Variants in GAB2 observed in about 807,000 individuals in gnomAD.
GAB2 encodes the protein GRB2-associated-binding protein 2.
A neutral mutation model predicts 65.5 loss-of-function variants in GAB2; 26 were observed. The ratio of observed to expected loss-of-function variants is 0.40; its 90% CI spans 0.29 to 0.55. The LOEUF is 0.55. Among genes scored for constraint, GAB2 ranks in the 20% least tolerant of loss-of-function variants. GAB2 has a pLI of 0.53. For missense variants in GAB2, 884 were observed against 875.8 expected (o/e 1.01, Z -0.12); for synonymous variants, 321 against 329.6 (o/e 0.97, Z 0.28).
Position 78,223,494 on chromosome 11 carries a change from G to T in GAB2, c.1485C>A (p.Thr495=), listed in dbSNP as rs1410727486. Residue 495 remains threonine, a synonymous_variant, in exon 6 of 10, where the codon ACC becomes ACA. Transcript: ENST00000361507. ...TGCTGGGGCCTCGGTGCACAGGAAG[G>T]GTTGTTGATGGGTAGCCAAGTGAGT... is the stretch of plus-strand genomic sequence containing the variant. ...HFDSLGYPST[T]LPVHRGPSRG... is the part of the protein sequence containing the mutation. The T allele has an allele frequency of 6.2e-7, 1 of 1,610,212 alleles. No individual in the cohort carries two copies. Among genetic ancestry groups the T allele is most frequent in the Non-Finnish European group, 8.5e-7 (1 of 1,178,040 alleles).
chr11:78,405,199 C>T (rs773114010), intron 1 of GAB2, among the ~76,000 whole-genome samples: 13 of 150,966 alleles, frequency 8.6e-5, no homozygotes, highest in South Asian at 4.2e-4. Flanking sequence ...CCCCGGTTCA[C>T]GCCATTCTCC....
chr11:78,326,161 T>C (rs1026970011), intron 1 of GAB2, among the ~76,000 whole-genome samples: 13 of 152,380 alleles, frequency 8.5e-5, no homozygotes, highest in African/African-American at 3.1e-4. Flanking sequence ...CACTTATATC[T>C]TGGAGCTTAT....
At chr11:78,350,870 CA>C (rs1324929742) in intron 1 of GAB2, among the ~76,000 whole-genome samples, 1 of 152,182 alleles carries the variant, frequency 6.6e-6, no homozygotes, top group African/African-American at 2.4e-5. Flanking sequence ...TTCCGGTAAG[CA>C]ACTTTGGAAA....
chr11:78,242,326 C>A (rs1865155100), intron 3 of GAB2, among the ~76,000 whole-genome samples: 1 of 151,988 alleles, frequency 6.6e-6, no homozygotes, highest in South Asian at 2.1e-4. Flanking sequence ...CACGGTGAAA[C>A]CCCATCTCTA....
intron 1 of GAB2, among the ~76,000 whole-genome samples, chr11:78,299,089 A>G (rs1278541070): frequency 1.3e-5 from 2 of 152,184 alleles, no homozygotes; most frequent in African/African-American, 4.8e-5. Flanking sequence ...AAATGACTCT[A>G]CTACAGACTA....
intron 3 of GAB2, among the ~76,000 whole-genome samples, chr11:78,246,778 C>T (rs935760152): frequency 2.0e-5 from 3 of 152,172 alleles, no homozygotes; most frequent in Non-Finnish European, 2.9e-5. Context: ...GAATTATAGG[C>T]GTGAGCCACC....
intron 3 of GAB2, among the ~76,000 whole-genome samples, chr11:78,228,343 C>T (rs550651543): frequency 9.2e-5 from 14 of 152,172 alleles, no homozygotes; most frequent in Non-Finnish European, 1.9e-4. Context: ...AAAAAAGAAT[C>T]AATCCTTTGT....
intron 1 of GAB2, among the ~76,000 whole-genome samples, chr11:78,376,816 C>A (rs1280273427): frequency 6.6e-6 from 1 of 152,094 alleles, no homozygotes; most frequent in Non-Finnish European, 1.5e-5. Context: ...AAACAACAGA[C>A]TGACAGTTGG....
chr11:78,341,101 C>G (rs1014742323), intron 1 of GAB2, among the ~76,000 whole-genome samples: 2 of 152,202 alleles, frequency 1.3e-5, no homozygotes, highest in African/African-American at 4.8e-5. Context: ...CTAGAAGCTC[C>G]TGATTATATC....
chr11:78,255,910 T>C (rs1158505798), intron 2 of GAB2, among the ~76,000 whole-genome samples: 1 of 152,216 alleles, frequency 6.6e-6, no homozygotes, highest in African/African-American at 2.4e-5. Flanking sequence ...TGTATTAGGC[T>C]AATAGTGGAG....
chr11:78,407,658 T>TGGCAGAAAGA (rs1857065183), intron 1 of GAB2, among the ~76,000 whole-genome samples: 4 of 117,230 alleles, frequency 3.4e-5, no homozygotes, highest in Admixed American at 9.3e-5. Flanking sequence ...AGAAAGAAAG[T>TGGCAGAAAGA]AAGAAAGAAA....
At chr11:78,267,129 G>T (rs1565133697) in intron 2 of GAB2, among the ~76,000 whole-genome samples, 1 of 152,210 alleles carries the variant, frequency 6.6e-6, no homozygotes, top group African/African-American at 2.4e-5. Flanking sequence ...CCACTCCTGG[G>T]TGGGATCTGA....
chr11:78,265,295 C>A (rs1382231143), intron 2 of GAB2, among the ~76,000 whole-genome samples: 2 of 151,640 alleles, frequency 1.3e-5, no homozygotes, highest in African/African-American at 2.4e-5. Flanking sequence ...ATTTAAAACA[C>A]AAAAGTCAGG....
At chr11:78,382,384 T>A (rs889340129) in intron 1 of GAB2, among the ~76,000 whole-genome samples, 12 of 139,290 alleles carry the variant, frequency 8.6e-5, no homozygotes, top group African/African-American at 2.9e-4. Flanking sequence ...TTTATTATTA[T>A]TTTTTTTTTT....
chr11:78,405,066 C>T (rs541691802), intron 1 of GAB2, among the ~76,000 whole-genome samples: 2 of 150,146 alleles, frequency 1.3e-5, no homozygotes, highest in Admixed American at 1.3e-4. Flanking sequence ...AATCCTAATC[C>T]ACAGAATGTG....
chr11:78,270,469 G>A (rs1865981188), intron 2 of GAB2, among the ~76,000 whole-genome samples: 1 of 152,188 alleles, frequency 6.6e-6, no homozygotes, highest in Non-Finnish European at 1.5e-5. Flanking sequence ...TGGGAAAAGT[G>A]AGGAGTCAGA....
At chr11:78,268,976 G>A (rs1016268371) in intron 2 of GAB2, among the ~76,000 whole-genome samples, 1 of 152,120 alleles carries the variant, frequency 6.6e-6, no homozygotes. Context: ...AAAATGACAA[G>A]CAAGAGATGG....
At position 78,291,406 on chromosome 11, in the gene GAB2, C is replaced by T. The variant is rs937714446; in HGVS notation, c.76-10505G>A. ...GCTTGAACCTGGGAGGCAGAGCTTA[C>T]GGTGAGCGGAGATCGCACCACTGCA... On this transcript the variant is annotated intron_variant, in intron 1 of 9. Transcript: ENST00000361507. Among the ~76,000 whole-genome samples, 270 of 149,960 alleles carry T rather than the reference C, an allele frequency of 1.8e-3. 2 individuals are homozygous for T. The highest frequency in any genetic ancestry group is 3.2e-3 in the Non-Finnish European group (216 of 67,634).
chr11:78,226,944 C>T lies in GAB2; in HGVS notation c.728G>A (p.Gly243Asp). ...AAGGCTATAGAAGCCATGGACTTGA[C>T]CACTGATCCCGTTGACACAGTGTCC... ...GNGHCVNGIS[G>D]QVHGFYSLPK... The change falls in exon 4 of 10, where the codon GGT becomes GAT. Residue 243 changes from glycine (G) to aspartate (D), a missense_variant. By Grantham distance (94) the Gly-to-Asp change is moderately conservative. Coordinates refer to ENST00000361507, the MANE Select transcript of GAB2 (RefSeq NM_080491.3). The T allele has an allele frequency of 6.2e-7, 1 of 1,613,740 alleles. No individual in the cohort carries two copies. The highest frequency in any genetic ancestry group is 8.5e-7 in the Non-Finnish European group (1 of 1,179,728).
Sources: allele counts gnomAD v4.1 joint callset (sites outside exome capture counted in the v4.1 genomes callset), GRCh38; gene constraint gnomAD v4.1.1; transcripts MANE v1.5; gene names NCBI Gene and HGNC (gene_info 2026-07-23, HGNC 2026-07-21).